The following CDC20B variants were observed in gnomAD, a reference collection of about 807,000 sequenced individuals.
CDC20B encodes cell division cycle protein 20 homolog B.
Under a neutral mutation model 64.1 loss-of-function variants are expected in CDC20B, and 58 were observed. The observed-to-expected ratio is 0.90, with a 90% CI of 0.73 to 1.13. CDC20B has a LOEUF of 1.13. Among genes scored for constraint, CDC20B ranks in the 50% most tolerant of loss-of-function variants. CDC20B has a pLI of 0.00. For synonymous variants in CDC20B, 243 were observed against 230.6 expected (o/e 1.05, Z -0.49); for missense variants, 597 against 633.0 (o/e 0.94, Z 0.61).
At chr5:55,160,249 T>C (rs1234831653) in intron 2 of CDC20B, 1 of 1,614,110 alleles carries the variant, frequency 6.2e-7, no homozygotes, top group Non-Finnish European at 8.5e-7. Context: ...CAAAGGTATT[T>C]GCAGTTTTGC....
intron 2 of CDC20B, among the ~76,000 whole-genome samples, chr5:55,162,767 A>T (rs1744150468): frequency 6.6e-6 from 1 of 152,234 alleles, no homozygotes; most frequent in African/African-American, 2.4e-5. Flanking sequence ...TGGGTGCAAT[A>T]GCTCATAGGT....
chr5:55,137,737 A>G, intron 5 of CDC20B: 1 of 452,812 alleles, frequency 2.2e-6, no homozygotes, highest in Non-Finnish European at 4.5e-6. Flanking sequence ...AGTACAGCAA[A>G]TGACTTTTTT....
At chr5:55,127,731 AC>A (rs1325053187) in intron 7 of CDC20B, among the ~76,000 whole-genome samples, 1 of 152,196 alleles carries the variant, frequency 6.6e-6, no homozygotes, top group Non-Finnish European at 1.5e-5. Context: ...AGATGTGGGT[AC>A]CCGGACACTT....
intron 4 of CDC20B, among the ~76,000 whole-genome samples, chr5:55,142,296 GA>G (rs1472706977): frequency 1.3e-5 from 2 of 148,772 alleles, no homozygotes; most frequent in East Asian, 2.1e-4. Flanking sequence ...ACCTCGCTTT[GA>G]GTCTTCACCA....
At chr5:55,164,437 T>C (rs945064713) in intron 2 of CDC20B, 1 of 318,742 alleles carries the variant, frequency 3.1e-6, no homozygotes. Flanking sequence ...TAAGTGGTAA[T>C]GAATGTTCCC....
chr5:55,162,491 G>A (rs1744130604), intron 2 of CDC20B, among the ~76,000 whole-genome samples: 1 of 152,188 alleles, frequency 6.6e-6, no homozygotes, highest in African/African-American at 2.4e-5. Context: ...GTTGAGTTTT[G>A]ATCAAACTAT....
At chr5:55,116,036 T>C (rs1742620236) in intron 11 of CDC20B, among the ~76,000 whole-genome samples, 1 of 152,158 alleles carries the variant, frequency 6.6e-6, no homozygotes, top group South Asian at 2.1e-4. Context: ...AGGGAAAAGA[T>C]TTGGGGATAC....
In CDC20B at chr5:55,140,298, T is replaced by G; in HGVS notation, c.580+16A>C. On this transcript the variant is annotated intron_variant, in intron 5 of 11. Coordinates refer to ENST00000381375, the MANE Select transcript of CDC20B (RefSeq NM_001170402.1). Reference sequence around the variant, plus strand: ...AGAGGAGCGCAGGAAAGAAGGACAATGTCTTGATCCTGTACCTTTCCAAAC... The same window carrying G: ...AGAGGAGCGCAGGAAAGAAGGACAAGGTCTTGATCCTGTACCTTTCCAAAC... 1 of 1,534,944 alleles carries G rather than the reference T, an allele frequency of 6.5e-7. No individual in the cohort carries two copies. The highest frequency in any genetic ancestry group is 1.2e-5 in the South Asian group (1 of 80,854).
chr5:55,152,329 C>T (rs867696982), intron 2 of CDC20B, among the ~76,000 whole-genome samples: 10 of 152,252 alleles, frequency 6.6e-5, no homozygotes, highest in Admixed American at 2.6e-4. Context: ...CAGCCCTGTG[C>T]TTCCACACTC....
At chr5:55,148,717 A>G (rs1321537718) in intron 2 of CDC20B, among the ~76,000 whole-genome samples, 1 of 152,216 alleles carries the variant, frequency 6.6e-6, no homozygotes, top group Admixed American at 6.5e-5. Flanking sequence ...ACAAAAAAAG[A>G]AAAAAGAAAT....
intron 2 of CDC20B, among the ~76,000 whole-genome samples, chr5:55,158,620 C>G (rs1743885078): frequency 6.6e-6 from 1 of 152,210 alleles, no homozygotes; most frequent in African/African-American, 2.4e-5. Context: ...CTAACAGTGA[C>G]AGGAAGGGCA....
At chr5:55,146,154 G>A (rs911836940) in intron 3 of CDC20B, among the ~76,000 whole-genome samples, 1 of 152,094 alleles carries the variant, frequency 6.6e-6, no homozygotes, top group African/African-American at 2.4e-5. Flanking sequence ...CCTAACTTGG[G>A]ATGTAAACTA....
At chr5:55,163,754 C>A (rs190612331) in intron 2 of CDC20B, among the ~76,000 whole-genome samples, 1 of 150,506 alleles carries the variant, frequency 6.6e-6, no homozygotes, top group East Asian at 2.0e-4. Flanking sequence ...GTGATCCACC[C>A]GCCTCAGCCT....
At chr5:55,131,319 G>A (rs998370852) in intron 6 of CDC20B, among the ~76,000 whole-genome samples, 8 of 151,914 alleles carry the variant, frequency 5.3e-5, no homozygotes, top group South Asian at 2.1e-4. Flanking sequence ...GAAAAATGAC[G>A]ACAAAACACA....
At chr5:55,144,337 C>T (rs1743415209) in intron 3 of CDC20B, among the ~76,000 whole-genome samples, 1 of 152,160 alleles carries the variant, frequency 6.6e-6, no homozygotes, top group Non-Finnish European at 1.5e-5. Context: ...AAGCCCTTTA[C>T]CAGACTTTCA....
rs922000910 is a variant in CDC20B at position 55,141,457 on chromosome 5, G to A, written c.487-1050C>T. 3.3e-5 allele frequency among the ~76,000 whole-genome samples: 5 copies of A among 152,278 alleles called. No homozygotes were observed. In the East Asian group the frequency reaches 9.6e-4, roughly 29 times the overall value. On this transcript the variant is annotated intron_variant, in intron 4 of 11. Coordinates refer to ENST00000381375, the MANE Select transcript of CDC20B (RefSeq NM_001170402.1). ...CAATAGTGGCTTAGAGCCAAGTGAT[G>A]GCCTTCCCGGTGTTATAACTATAGT...
intron 5 of CDC20B, 53 bp downstream of exon 5, chr5:55,140,261 G>A (rs1232386218): frequency 4.1e-6 from 4 of 983,634 alleles, no homozygotes; most frequent in Non-Finnish European, 6.1e-6. Flanking sequence ...AAGAAATGAA[G>A]GAGGCAGAGA....
At chr5:55,165,791 T>G (rs1407971170) in intron 2 of CDC20B, 1 of 152,244 alleles carries the variant, frequency 6.6e-6, no homozygotes, top group Non-Finnish European at 1.5e-5. Flanking sequence ...GCAAGTCACT[T>G]AAGTACCTTA....
chr5:55,120,703 C>T (rs1308995118), intron 9 of CDC20B, among the ~76,000 whole-genome samples, 153 bp from the exon 10 acceptor site: 1 of 152,172 alleles, frequency 6.6e-6, no homozygotes, highest in Non-Finnish European at 1.5e-5. Flanking sequence ...ACTGCACCCT[C>T]CAGAGATTAT....
Sources: allele counts gnomAD v4.1 joint callset (sites outside exome capture counted in the v4.1 genomes callset), GRCh38; gene constraint gnomAD v4.1.1; transcripts MANE v1.5; gene names NCBI Gene and HGNC (gene_info 2026-07-23, HGNC 2026-07-21).